Variants in PKNOX2 observed in about 807,000 individuals in gnomAD.
PKNOX2 encodes the protein PBX/knotted 1 homeobox 2.
In PKNOX2, 14 loss-of-function variants were observed where a neutral mutation model predicts 53.1. The ratio of observed to expected loss-of-function variants is 0.26; its 90% CI spans 0.17 to 0.41. The LOEUF is 0.41. PKNOX2 is among the 10% of genes least tolerant of loss of function. PKNOX2 has a pLI of 1.00. For missense variants in PKNOX2, 496 were observed against 602.8 expected (o/e 0.82, Z 1.85); for synonymous variants, 257 against 242.8 (o/e 1.06, Z -0.54).
chr11:125,197,392 C>A (rs11825337), intron 1 of PKNOX2, among the ~76,000 whole-genome samples: 11,079 of 152,166 alleles, frequency 0.073, 896 homozygotes, highest in East Asian at 0.25. Flanking sequence ...AGCCTCCCCA[C>A]GAGGTCTTTG....
intron 2 of PKNOX2, among the ~76,000 whole-genome samples, chr11:125,329,938 G>A (rs1328513627): frequency 6.6e-6 from 1 of 152,184 alleles, no homozygotes; most frequent in Non-Finnish European, 1.5e-5. Flanking sequence ...TGGAGGACGT[G>A]GTGCCACAGC....
intron 6 of PKNOX2, among the ~76,000 whole-genome samples, chr11:125,388,779 C>T (rs549444876): frequency 5.3e-5 from 8 of 152,278 alleles, no homozygotes; most frequent in African/African-American, 9.6e-5. Flanking sequence ...AGGGCTGATC[C>T]GAAGATCAGA....
At chr11:125,381,839 C>T (rs1191293136) in intron 5 of PKNOX2, among the ~76,000 whole-genome samples, 6 of 152,238 alleles carry the variant, frequency 3.9e-5, no homozygotes, top group Admixed American at 2.0e-4. Context: ...CCTGCTGGAA[C>T]GCCAGTCCCT....
intron 2 of PKNOX2, among the ~76,000 whole-genome samples, chr11:125,324,723 T>C (rs1182410646): frequency 9.9e-5 from 15 of 152,200 alleles, no homozygotes; most frequent in Non-Finnish European, 2.1e-4. Context: ...GAAGAAAATG[T>C]AGCTCACTCT....
At chr11:125,416,295 G>T (rs1161903980) in intron 10 of PKNOX2, among the ~76,000 whole-genome samples, 3 of 94,774 alleles carry the variant, frequency 3.2e-5, no homozygotes, top group African/African-American at 9.9e-5. Flanking sequence ...AGAGCGAGAC[G>T]CCGTCTCAAA....
chr11:125,288,121 G>A (rs973386601), intron 2 of PKNOX2: 1 of 152,244 alleles, frequency 6.6e-6, no homozygotes, highest in Non-Finnish European at 1.5e-5. Flanking sequence ...GGAGTTCTCT[G>A]AGACTGTTTT....
chr11:125,200,259 TCC>T (rs1272418684), intron 1 of PKNOX2, among the ~76,000 whole-genome samples: 1 of 151,812 alleles, frequency 6.6e-6, no homozygotes, highest in South Asian at 2.1e-4. Flanking sequence ...GAGCAGAGAG[TCC>T]CTCCCAAGGG....
chr11:125,307,500 G>A (rs1296567821), intron 2 of PKNOX2, among the ~76,000 whole-genome samples: 1 of 152,210 alleles, frequency 6.6e-6, no homozygotes, highest in African/African-American at 2.4e-5. Flanking sequence ...AGAGGTTGCA[G>A]TGAGCCGAGA....
At chr11:125,323,087 C>A (rs1229296134) in intron 2 of PKNOX2, among the ~76,000 whole-genome samples, 1 of 152,040 alleles carries the variant, frequency 6.6e-6, no homozygotes, top group Non-Finnish European at 1.5e-5. Context: ...AACTGAGGCC[C>A]AGAGCAGTGA....
At chr11:125,286,628 T>A (rs1946918095) in intron 2 of PKNOX2, among the ~76,000 whole-genome samples, 1 of 152,218 alleles carries the variant, frequency 6.6e-6, no homozygotes, top group Non-Finnish European at 1.5e-5. Flanking sequence ...TGGTGTCGCC[T>A]GCCGGGCCCT....
chr11:125,393,202 C>A (rs1048972610), intron 6 of PKNOX2, among the ~76,000 whole-genome samples: 1 of 150,448 alleles, frequency 6.6e-6, no homozygotes, highest in Non-Finnish European at 1.5e-5. Flanking sequence ...AATTGAACAA[C>A]TTGTTCAAGT....
At chr11:125,333,585 C>T (rs568958685) in intron 3 of PKNOX2, among the ~76,000 whole-genome samples, 27 of 151,302 alleles carry the variant, frequency 1.8e-4, no homozygotes, top group Middle Eastern at 3.4e-3. Flanking sequence ...CACACACTAA[C>T]CACTGAACCG....
At chr11:125,421,700 A>G (rs918492922) in intron 10 of PKNOX2, among the ~76,000 whole-genome samples, 1 of 152,262 alleles carries the variant, frequency 6.6e-6, no homozygotes, top group African/African-American at 2.4e-5. Flanking sequence ...CTATGCACTG[A>G]ACGATGGTGG....
At chr11:125,376,864 A>G (rs932101020) in intron 5 of PKNOX2, among the ~76,000 whole-genome samples, 1 of 152,232 alleles carries the variant, frequency 6.6e-6, no homozygotes. Context: ...GAGTTTAAGA[A>G]GTGTCATAAA....
chr11:125,264,967 C>T (rs1488329718), intron 2 of PKNOX2, among the ~76,000 whole-genome samples: 1 of 152,136 alleles, frequency 6.6e-6, no homozygotes, highest in African/African-American at 2.4e-5. Context: ...TTGGGAAAGC[C>T]TGTGTGAACA....
chr11:125,315,010 G>C (rs1190425876), intron 2 of PKNOX2, among the ~76,000 whole-genome samples: 3 of 152,118 alleles, frequency 2.0e-5, no homozygotes, highest in South Asian at 2.1e-4. Context: ...CACCCCTCTG[G>C]TCTTCCCAAC....
At chr11:125,346,999 G>C (rs1396830253) in intron 3 of PKNOX2, among the ~76,000 whole-genome samples, 3 of 152,158 alleles carry the variant, frequency 2.0e-5, no homozygotes, top group African/African-American at 7.2e-5. Flanking sequence ...TCACTGCAAA[G>C]CAATTCCTGG....
At chr11:125,414,035 G>A (rs910713563) in intron 10 of PKNOX2, among the ~76,000 whole-genome samples, 3 of 152,108 alleles carry the variant, frequency 2.0e-5, no homozygotes, top group African/African-American at 7.2e-5. Context: ...TGTCCCTCCT[G>A]GTCATGCCTG....
intron 1 of PKNOX2, among the ~76,000 whole-genome samples, chr11:125,204,888 G>A (rs965069497): frequency 6.6e-6 from 1 of 152,130 alleles, no homozygotes; most frequent in African/African-American, 2.4e-5. Context: ...GGTGTGATTG[G>A]CTCTCAGAGA....
Sources: allele counts gnomAD v4.1 joint callset (sites outside exome capture counted in the v4.1 genomes callset), GRCh38; gene constraint gnomAD v4.1.1; transcripts MANE v1.5; gene names NCBI Gene and HGNC (gene_info 2026-07-23, HGNC 2026-07-21).